The following SIK3 variants were observed in gnomAD, a reference collection of about 807,000 sequenced individuals.
SIK3 encodes the protein SIK family kinase 3.
SIK3 carries 28 observed loss-of-function variants against 144.2 expected under a neutral mutation model. The ratio of observed to expected loss-of-function variants is 0.19; its 90% CI spans 0.14 to 0.27. SIK3 has a LOEUF of 0.27. Among genes scored for constraint, SIK3 ranks in the 10% least tolerant of loss-of-function variants. The pLI is 1.00. For missense variants in SIK3, 1,319 were observed against 1,776.0 expected (o/e 0.74, Z 4.62); for synonymous variants, 686 against 676.3 (o/e 1.01, Z -0.22).
intron 1 of SIK3, among the ~76,000 whole-genome samples, chr11:116,968,819 T>C (rs11823013): frequency 0.16 from 24,546 of 152,162 alleles, 2,091 homozygotes; most frequent in Admixed American, 0.21. Flanking sequence ...GTTAATAACA[T>C]TGTGGGTTTT....
chr11:117,094,815 G>T (rs758557715), intron 1 of SIK3, among the ~76,000 whole-genome samples: 15 of 151,182 alleles, frequency 9.9e-5, no homozygotes, highest in Non-Finnish European at 1.6e-4. Context: ...GCTAAGTAAG[G>T]CTCTTCCAAA....
chr11:116,915,156 G>GTGTA (rs150190282), intron 4 of SIK3, among the ~76,000 whole-genome samples: 14,488 of 148,136 alleles, frequency 0.098, 965 homozygotes, highest in East Asian at 0.3. Context: ...GTGTGTGTGT[G>GTGTA]TGTGTATGTG....
chr11:116,948,597 C>A (rs1295573978), intron 3 of SIK3, among the ~76,000 whole-genome samples: 1 of 152,048 alleles, frequency 6.6e-6, no homozygotes, highest in African/African-American at 2.4e-5. Context: ...TCTTAAGGGA[C>A]TGTAGTAATG....
At chr11:116,862,570 T>C (rs1052606423) in intron 16 of SIK3, among the ~76,000 whole-genome samples, 1 of 152,208 alleles carries the variant, frequency 6.6e-6, no homozygotes, top group African/African-American at 2.4e-5. Flanking sequence ...AAGTGTCCAA[T>C]GTGAAATCTG....
At chr11:117,082,395 T>C (rs932308931) in intron 1 of SIK3, among the ~76,000 whole-genome samples, 3 of 152,142 alleles carry the variant, frequency 2.0e-5, no homozygotes, top group African/African-American at 2.4e-5. Context: ...AATTCATGAA[T>C]TGATTTTAAA....
chr11:116,998,168 A>T (rs565527550), intron 1 of SIK3, among the ~76,000 whole-genome samples: 33 of 151,782 alleles, frequency 2.2e-4, no homozygotes, highest in African/African-American at 7.5e-4. Flanking sequence ...GATAATTTAA[A>T]AAAAAAAAAA....
chr11:117,062,863 T>C (rs998245544), intron 1 of SIK3, among the ~76,000 whole-genome samples: 23 of 152,112 alleles, frequency 1.5e-4, no homozygotes, highest in Admixed American at 6.6e-5. Context: ...TGGAAACTAA[T>C]GGAAGTAAAT....
intron 1 of SIK3, among the ~76,000 whole-genome samples, chr11:117,022,503 A>T (rs1268488600): frequency 6.6e-6 from 1 of 152,180 alleles, no homozygotes; most frequent in Non-Finnish European, 1.5e-5. Flanking sequence ...TAATTCTTGA[A>T]AAATCAAATA....
At chr11:117,075,155 G>A (rs529004716) in intron 1 of SIK3, among the ~76,000 whole-genome samples, 8 of 152,168 alleles carry the variant, frequency 5.3e-5, no homozygotes, top group Non-Finnish European at 7.3e-5. Context: ...ATAAGACACA[G>A]ATAATATCAA....
chr11:117,096,353 A>C (rs1208247242), intron 1 of SIK3, among the ~76,000 whole-genome samples: 1 of 152,222 alleles, frequency 6.6e-6, no homozygotes, highest in Non-Finnish European at 1.5e-5. Flanking sequence ...GAGCAAAATA[A>C]CCACAGGAGC....
intron 3 of SIK3, among the ~76,000 whole-genome samples, chr11:116,949,503 G>GT (rs1168201131): frequency 7.2e-5 from 11 of 152,104 alleles, no homozygotes; most frequent in Admixed American, 3.9e-4. Flanking sequence ...TGCCATCAGT[G>GT]TTTTTTTGTT....
At chr11:116,891,053 C>G (rs1378557582) in intron 6 of SIK3, among the ~76,000 whole-genome samples, 1 of 152,050 alleles carries the variant, frequency 6.6e-6, no homozygotes, top group Non-Finnish European at 1.5e-5. Context: ...GCTGGCTGGG[C>G]GCAGTGGCTC....
chr11:117,098,263 T>G lies in SIK3; in HGVS notation c.153A>C (p.Pro51=). 1 of 1,403,284 alleles carries G rather than the reference T, an allele frequency of 7.1e-7. No individual in the cohort carries two copies. Among genetic ancestry groups the G allele is most frequent in the Non-Finnish European group, 9.3e-7 (1 of 1,070,454 alleles). 86.9% of individuals were successfully genotyped at this position (1,403,284 alleles called of 1,614,324 possible). Residue 51 remains proline (P), a synonymous_variant, in exon 1 of 25, where the codon CCA becomes CCC. Coordinates refer to ENST00000445177, the MANE Select transcript of SIK3 (RefSeq NM_001366686.3). The stretch of plus-strand genomic sequence containing the variant: ...GCATGGGTCCGCGGGAGGCCGGGGC[T>G]GGGGGACGCGGCTGGCCGGCCGCAG... ...VSPAAGQPRP[P]APASRGPMPA...
chr11:116,899,343 G>GT (rs1386073921), intron 4 of SIK3, among the ~76,000 whole-genome samples: 1 of 151,906 alleles, frequency 6.6e-6, no homozygotes, highest in Non-Finnish European at 1.5e-5. Context: ...CTCTGTTTTG[G>GT]TACCAGTACC....
At chr11:117,035,857 C>A in intron 1 of SIK3, 4 of 1,592,926 alleles carry the variant, frequency 2.5e-6, no homozygotes, top group Non-Finnish European at 3.4e-6. Flanking sequence ...CTCCTGTAGG[C>A]TGGCAGAGGA....
intron 1 of SIK3, among the ~76,000 whole-genome samples, chr11:117,088,258 CA>C (rs1195145226): frequency 1.3e-5 from 2 of 151,878 alleles, no homozygotes; most frequent in African/African-American, 4.8e-5. Context: ...AAACAAAAAA[CA>C]AAAAACTAAG....
intron 6 of SIK3, among the ~76,000 whole-genome samples, chr11:116,886,818 G>A (rs549521894): frequency 2.6e-5 from 4 of 152,260 alleles, no homozygotes; most frequent in Non-Finnish European, 5.9e-5. Flanking sequence ...TCGGTGGAAG[G>A]GCAGATCAGA....
intron 22 of SIK3, among the ~76,000 whole-genome samples, chr11:116,848,286 G>T (rs1942157291): frequency 6.6e-6 from 1 of 152,186 alleles, no homozygotes; most frequent in Non-Finnish European, 1.5e-5. Flanking sequence ...GGCGGAGCTT[G>T]CAGTGAGCCG....
chr11:116,985,612 C>A (rs549954461), intron 1 of SIK3, among the ~76,000 whole-genome samples: 1 of 152,240 alleles, frequency 6.6e-6, no homozygotes, highest in East Asian at 1.9e-4. Context: ...TTGGAAATAA[C>A]CTTCATGTAT....
Sources: gnomAD v4.1 joint callset for allele counts (sites outside exome capture counted in the v4.1 genomes callset) on GRCh38, gnomAD v4.1.1 for gene constraint, MANE v1.5 for transcripts, NCBI Gene and HGNC (gene_info 2026-07-23, HGNC 2026-07-21) for gene names.